The following ADAMTS19 variants were observed in gnomAD, a reference collection of about 807,000 sequenced individuals.
The protein encoded by ADAMTS19 is ADAM metallopeptidase with thrombospondin type 1 motif 19, also known as A disintegrin and metalloproteinase with thrombospondin motifs 19.
ADAMTS19 carries 93 observed loss-of-function variants against 153.3 expected under a neutral mutation model. That is an observed-to-expected ratio of 0.61 (90% CI 0.51 to 0.72). The LOEUF (loss-of-function observed/expected upper bound fraction) is 0.72. Ranked by LOEUF, ADAMTS19 falls within the 30% of genes least tolerant of loss-of-function variation. The probability of loss-of-function intolerance (pLI) is 0.00; values close to 1 mark genes in which losing one functional copy is unlikely to be tolerated. For synonymous variants in ADAMTS19, 600 were observed against 556.6 expected, an observed-to-expected ratio of 1.08 and a Z score of -1.10; for missense variants, 1,482 against 1,552.1, an observed-to-expected ratio of 0.95 and a Z score of 0.76.
chr5:129,541,924 T>G (rs6866597), intron 6 of ADAMTS19, among the ~76,000 whole-genome samples: 93,190 of 151,932 alleles, frequency 0.61, 31,015 homozygotes, highest in African/African-American at 0.87. Flanking sequence ...CCTATGTAGA[T>G]AAATGATATT....
chr5:129,634,563 A>T (rs1034963227), intron 10 of ADAMTS19, among the ~76,000 whole-genome samples: 2 of 152,086 alleles, frequency 1.3e-5, no homozygotes, highest in African/African-American at 4.8e-5. Context: ...AAACAACATG[A>T]TACTGGGACA....
chr5:129,641,805 A>G, intron 10 of ADAMTS19, 54 bp from the exon 11 acceptor site: 1 of 1,169,874 alleles, frequency 8.5e-7, no homozygotes. Flanking sequence ...GATTGGCTTC[A>G]CTTAAAAAAA....
chr5:129,511,293 G>C (rs1345525272), intron 3 of ADAMTS19, among the ~76,000 whole-genome samples: 1 of 151,730 alleles, frequency 6.6e-6, no homozygotes, highest in Non-Finnish European at 1.5e-5. Flanking sequence ...TTTCCAAACA[G>C]GGATTTTCCT....
intron 7 of ADAMTS19, among the ~76,000 whole-genome samples, chr5:129,555,226 T>C (rs1753274033): frequency 6.6e-6 from 1 of 152,144 alleles, no homozygotes; most frequent in Non-Finnish European, 1.5e-5. Flanking sequence ...CCTATTCTCC[T>C]AGGTATAGTA....
chr5:129,504,500 G>GT (rs953284656), intron 2 of ADAMTS19, among the ~76,000 whole-genome samples: 54 of 152,194 alleles, frequency 3.5e-4, no homozygotes, highest in African/African-American at 1.3e-3. Flanking sequence ...ATACTTATCA[G>GT]TTTTTTGTGA....
intron 2 of ADAMTS19, among the ~76,000 whole-genome samples, chr5:129,466,169 C>T (rs1413237008): frequency 6.6e-6 from 1 of 152,172 alleles, no homozygotes; most frequent in African/African-American, 2.4e-5. Context: ...GAAATAGTCT[C>T]TACTCTCAAA....
At chr5:129,714,404 C>T (rs13167565) in intron 21 of ADAMTS19, among the ~76,000 whole-genome samples, 68,916 of 133,668 alleles carry the variant, frequency 0.52, 18,996 homozygotes, top group Non-Finnish European at 0.62. Context: ...CCGGCCTGGG[C>T]GACAGAGCGA....
chr5:129,549,777 A>AAC (rs138223574), intron 6 of ADAMTS19, among the ~76,000 whole-genome samples: 5 of 149,650 alleles, frequency 3.3e-5, no homozygotes, highest in Middle Eastern at 4.2e-3. Context: ...AACATTTACC[A>AAC]ACACACACAC....
intron 2 of ADAMTS19, among the ~76,000 whole-genome samples, chr5:129,481,942 T>C (rs1270650203): frequency 6.6e-6 from 1 of 152,102 alleles, no homozygotes; most frequent in African/African-American, 2.4e-5. Context: ...AAGCTTGGGG[T>C]AAGGAGTTAA....
At chr5:129,510,583 T>A (rs764585492) in intron 3 of ADAMTS19, among the ~76,000 whole-genome samples, 1 of 151,718 alleles carries the variant, frequency 6.6e-6, no homozygotes, top group Admixed American at 6.6e-5. Flanking sequence ...GCTTCTGTAT[T>A]GGGAAATGAT....
At chr5:129,689,709 G>C (rs1036667944) in intron 18 of ADAMTS19, among the ~76,000 whole-genome samples, 5 of 152,140 alleles carry the variant, frequency 3.3e-5, no homozygotes, top group African/African-American at 1.2e-4. Context: ...ACAGGCATGA[G>C]CCACCGTGCC....
chr5:129,512,510 A>T (rs1751475486), intron 3 of ADAMTS19, among the ~76,000 whole-genome samples: 1 of 152,064 alleles, frequency 6.6e-6, no homozygotes, highest in African/African-American at 2.4e-5. Context: ...CAAAGAGAGC[A>T]ACTTAATAAA....
chr5:129,471,063 C>A (rs1750047640), intron 2 of ADAMTS19, among the ~76,000 whole-genome samples: 1 of 30,300 alleles, frequency 3.3e-5, no homozygotes, highest in Non-Finnish European at 5.8e-5. Context: ...ATATCAGGAT[C>A]AAAATCAGGC....
chr5:129,624,262 C>T (rs549168809), intron 10 of ADAMTS19, among the ~76,000 whole-genome samples: 1 of 151,676 alleles, frequency 6.6e-6, no homozygotes, highest in East Asian at 1.9e-4. Flanking sequence ...AACTCCACAT[C>T]GTGTGTGACA....
At chr5:129,491,531 A>G (rs74511164) in intron 2 of ADAMTS19, among the ~76,000 whole-genome samples, 1,540 of 152,264 alleles carry the variant, frequency 0.01, 22 homozygotes, top group African/African-American at 0.034. Flanking sequence ...CCTATCATTT[A>G]ATTTGGAATC....
intron 21 of ADAMTS19, among the ~76,000 whole-genome samples, chr5:129,729,348 A>G (rs1757339031): frequency 6.6e-6 from 1 of 151,840 alleles, no homozygotes; most frequent in South Asian, 2.1e-4. Context: ...TTAGAAGATA[A>G]CTTGGGATTT....
At chr5:129,535,725 T>C (rs530686460) in intron 6 of ADAMTS19, among the ~76,000 whole-genome samples, 3 of 151,986 alleles carry the variant, frequency 2.0e-5, no homozygotes, top group Non-Finnish European at 4.4e-5. Context: ...TATAGACCAA[T>C]GGAACAGAAC....
intron 6 of ADAMTS19, among the ~76,000 whole-genome samples, chr5:129,550,674 A>G (rs62398978): frequency 0.017 from 2,503 of 151,246 alleles, 29 homozygotes; most frequent in Non-Finnish European, 0.028. Flanking sequence ...ATGTGACTTC[A>G]TTGGTGAATA....
chr5:129,724,055 T>C (rs1757110718), intron 21 of ADAMTS19, among the ~76,000 whole-genome samples: 1 of 152,214 alleles, frequency 6.6e-6, no homozygotes. Context: ...GTGCAGCCTC[T>C]ACTTAGCAGG....
Sources: allele counts gnomAD v4.1 joint callset (sites outside exome capture counted in the v4.1 genomes callset), GRCh38; gene constraint gnomAD v4.1.1; transcripts MANE v1.5; gene names NCBI Gene and HGNC (gene_info 2026-07-23, HGNC 2026-07-21).